The following RIF1 variants were observed in gnomAD, a reference collection of about 807,000 sequenced individuals.
RIF1 encodes the protein telomere-associated protein RIF1.
In RIF1, 45 loss-of-function variants were observed where a neutral mutation model predicts 247.1. The ratio of observed to expected loss-of-function variants is 0.18; its 90% CI spans 0.14 to 0.23. RIF1 has a LOEUF of 0.23. Ranked by LOEUF, RIF1 falls within the 10% of genes least tolerant of loss-of-function variation. RIF1 has a pLI of 1.00. For synonymous variants in RIF1, 1,087 were observed against 978.8 expected (o/e 1.11, Z -2.06); for missense variants, 2,967 against 2,862.5 (o/e 1.04, Z -0.83).
Position 151,475,029 on chromosome 2 carries a change from A to G in RIF1, c.7377A>G (p.Leu2459=). The stretch of plus-strand genomic sequence containing the variant: ...TGGCAAACTCTGTAATAAAAAATCT[A>G]CAGTCACGTTGGAGATCACCATCCC... ...SCMANSVIKN[L]QSRWRSPSHE... The change falls in exon 36 of 36, where the codon CTA becomes CTG. Residue 2459 remains leucine (L), a synonymous_variant. Transcript: ENST00000444746. 3 of 1,613,592 alleles carry G rather than the reference A, an allele frequency of 1.9e-6. No individual in the cohort carries two copies. The highest frequency in any genetic ancestry group is 1.3e-5 in the African/African-American group (1 of 75,028).
Position 151,463,215 on chromosome 2 carries a change from A to G in RIF1, c.3695A>G (p.Asn1232Ser), listed in dbSNP as rs754680779. The G allele has an allele frequency of 1.1e-5, 18 of 1,614,032 alleles. No homozygotes were observed. Among genetic ancestry groups the G allele is most frequent in the Admixed American group, 3.3e-5 (2 of 59,994 alleles). Residue 1232 changes from asparagine to serine, a missense_variant, in exon 30 of 36, where the codon AAT becomes AGT. Asn to Ser is a conservative substitution (Grantham distance 46). Transcript: ENST00000444746. ...TTGGAGAAGTTTGATGGTTCAGAAA[A>G]TAGACCTTTTAGTCCATCCCCCTTG... ...ITLEKFDGSE[N>S]RPFSPSPLNN...
intron 7 of RIF1, 149 bp from the exon 8 acceptor site, chr2:151,422,801 C>T: frequency 3.9e-6 from 2 of 508,016 alleles, no homozygotes; most frequent in Non-Finnish European, 6.9e-6. Flanking sequence ...ACAGGCTTGA[C>T]CCACCGCACC....
chr2:151,510,779 A>T (rs548714740), downstream of RIF1, among the ~76,000 whole-genome samples: 1 of 152,332 alleles, frequency 6.6e-6, no homozygotes, highest in African/African-American at 2.4e-5. Flanking sequence ...TCAGGCATCC[A>T]CTAGAGGTCT....
chr2:151,534,375 A>T, the RIF1 span: 1 of 1,490,866 alleles, frequency 6.7e-7, no homozygotes, highest in East Asian at 2.3e-5. Flanking sequence ...GCTACACAAA[A>T]ATGTCTCAAG....
chr2:151,503,580 A>G (rs985143398), intron 12 of RIF1: 22 of 559,872 alleles, frequency 3.9e-5, no homozygotes, highest in Non-Finnish European at 5.6e-5. Context: ...CAGGGGGGAA[A>G]ATTCCATGAA....
At chr2:151,523,877 G>C in the RIF1 span, among the ~76,000 whole-genome samples, 2 of 152,040 alleles carry the variant, frequency 1.3e-5, no homozygotes, top group Non-Finnish European at 2.9e-5. Context: ...GTTAATATAT[G>C]TATGTTTAAT....
In RIF1 at chr2:151,464,056, G is replaced by A. The variant is rs142724873; in HGVS notation, c.4536G>A (p.Lys1512=). 3,655 of 1,612,944 alleles carry A rather than the reference G, an allele frequency of 2.3e-3. 5 individuals are homozygous for A. The highest frequency in any genetic ancestry group is 6.5e-3 in the Middle Eastern group (39 of 6,044). The change falls in exon 30 of 36, where the codon AAG becomes AAA. Residue 1512 remains lysine, a synonymous_variant. Coordinates refer to ENST00000444746, the MANE Select transcript of RIF1 (RefSeq NM_018151.5). ...AAAAGGCAGACCCTGAGAACATTAA[G>A]TCTGAGGGGGATGGTACCCAGGACA... ...NKKKADPENI[K]SEGDGTQDIV...
chr2:151,433,012 A>G (rs367721391), intron 9 of RIF1, 65 bp from the exon 10 acceptor site: 44 of 1,223,560 alleles, frequency 3.6e-5, no homozygotes, highest in African/African-American at 2.9e-4. Context: ...ACTGTTGCAT[A>G]GCTAGTGTTA....
At position 151,437,274 on chromosome 2, in the gene RIF1, C is replaced by T. The variant is rs141812448; in HGVS notation, c.1406C>T (p.Ser469Phe). Residue 469 changes from serine to phenylalanine, a missense_variant, in exon 13 of 36, where the codon TCC becomes TTC. Ser to Phe is a radical substitution (Grantham distance 155). Coordinates refer to ENST00000444746, the MANE Select transcript of RIF1 (RefSeq NM_018151.5). Reference sequence around the variant, plus strand: ...GAACATCCGTTAATCAGCAGCCCTTCCTTTTTTTCCAAACATGCAAATACA... The same window carrying T: ...GAACATCCGTTAATCAGCAGCCCTTTCTTTTTTTCCAAACATGCAAATACA... ...PLEHPLISSP[S>F]FFSKHANTLI... 2 of 1,613,780 alleles carry T rather than the reference C, an allele frequency of 1.2e-6. No homozygotes were observed. The highest frequency in any genetic ancestry group is 2.7e-5 in the African/African-American group (2 of 74,908).
rs988674620 is a variant in RIF1 at position 151,437,392 on chromosome 2, A to T, written c.1483+41A>T. ...TTATTATTTGCTCAAATGTGTGTTT[A>T]AAAAGAAGAAAAAATAGGCCAGTCA... On this transcript the variant is annotated intron_variant, in intron 13 of 35. Coordinates refer to ENST00000444746, the MANE Select transcript of RIF1 (RefSeq NM_018151.5). 3 of 1,488,336 alleles carry T rather than the reference A, an allele frequency of 2.0e-6. No homozygotes were observed. In the African/African-American group the frequency reaches 4.2e-5, roughly 21 times the overall value. The allele number at this position is 1,488,336 out of a possible 1,614,324, so 92.2% of individuals were successfully genotyped here.
intron 34 of RIF1, among the ~76,000 whole-genome samples, chr2:151,470,184 A>G (rs761533912): frequency 2.0e-5 from 3 of 149,740 alleles, no homozygotes; most frequent in African/African-American, 2.4e-5. Flanking sequence ...GATGCCTACC[A>G]CATTTGTGAC....
Position 151,440,116 on chromosome 2 carries a change from T to C in RIF1, c.1636T>C (p.Ser546Pro). The C allele has an allele frequency of 1.9e-6, 3 of 1,553,158 alleles. No individual in the cohort carries two copies. Among genetic ancestry groups the C allele is most frequent in the Non-Finnish European group, 2.6e-6 (3 of 1,133,912 alleles). ...AGTAAAGTCTGAAGTATTTCCTGTA[T>C]CAAAAACGCTGGTAAGTATAATACC... ...SIVKSEVFPV[S>P]KTLVLMEITI... The change falls in exon 15 of 36, where the codon TCA (serine) becomes CCA (proline). Residue 546 changes from serine (S) to proline (P), a missense_variant. This residue lies in a region of RIF1 where 369 missense variants were observed against 322.0 expected (regional missense o/e 1.15). Coordinates refer to ENST00000444746, the MANE Select transcript of RIF1 (RefSeq NM_018151.5).
At chr2:151,415,129 T>C (rs919081774) in intron 4 of RIF1, among the ~76,000 whole-genome samples, 45 of 150,184 alleles carry the variant, frequency 3.0e-4, no homozygotes, top group African/African-American at 1.0e-3. Flanking sequence ...GGGTGGATCA[T>C]GAGGTCAGGA....
At chr2:151,499,188 GAC>G (rs2062568145) in intron 10 of RIF1, 2 of 565,874 alleles carry the variant, frequency 3.5e-6, no homozygotes, top group Non-Finnish European at 6.0e-6. Flanking sequence ...TTGGGAAAAA[GAC>G]AGGTCAAATT....
Position 151,464,122 on chromosome 2 carries a change from A to G in RIF1, c.4602A>G (p.Thr1534=). The G allele has an allele frequency of 6.2e-7, 1 of 1,612,018 alleles. No homozygotes were observed. Among genetic ancestry groups the G allele is most frequent in the Non-Finnish European group, 8.5e-7 (1 of 1,179,532 alleles). ...KSSEKLVRGR[T]RYQTRRASQG... is the part of the protein sequence containing the mutation. ...CTGAGAAACTAGTCAGAGGCCGAAC[A>G]CGGTATCAAACTAGAAGAGCATCTC... Residue 1534 remains threonine, a synonymous_variant, in exon 30 of 36, where the codon ACA becomes ACG. Transcript: ENST00000444746.
intron 33 of RIF1, 103 bp from the exon 34 acceptor site, chr2:151,469,608 G>A: frequency 1.1e-6 from 1 of 894,942 alleles, no homozygotes; most frequent in Non-Finnish European, 1.6e-6. Flanking sequence ...GCTAACCTCA[G>A]TTATGATTGA....
rs1244282170 is a variant in RIF1 at position 151,489,900 on chromosome 2, A to G, written c.*416-5329A>G. On this transcript the variant is annotated intron_variant and NMD_transcript_variant, in intron 9 of 13. Coordinates refer to the RIF1 transcript ENST00000454583. ...TGGTTAAAAAAAACCGTAATACCTA[A>G]TACTTATAATCATGTTTGCACATAT... is the stretch of plus-strand genomic sequence containing the variant. 9 of 1,213,128 alleles carry G rather than the reference A, an allele frequency of 7.4e-6. No homozygotes were observed. In the East Asian group the frequency reaches 2.1e-4, roughly 28 times the overall value. The allele number at this position is 1,213,128 out of a possible 1,614,324, so 75.1% of individuals were successfully genotyped here.
intron 20 of RIF1, among the ~76,000 whole-genome samples, chr2:151,450,592 T>G (rs991884798): frequency 8.6e-5 from 13 of 151,966 alleles, no homozygotes; most frequent in Admixed American, 7.9e-4. Context: ...CAATAATTCT[T>G]TCTTTTTTTT....
chr2:151,480,164 A>G lies in RIF1; in HGVS notation c.*5093A>G, dbSNP rs980147706. 3.3e-5 allele frequency: 5 copies of G among 152,334 alleles called. No homozygotes were observed. Among genetic ancestry groups the G allele is most frequent in the South Asian group, 2.1e-4 (1 of 4,832 alleles). 9.4% of individuals were successfully genotyped at this position (152,334 alleles called of 1,614,324 possible). A position where few individuals can be genotyped will look rare whatever the true frequency, so the allele number is the denominator to read the frequency against. On this transcript the variant is annotated 3_prime_UTR_variant, in exon 36 of 36. Transcript: ENST00000444746. ...GGTAAGCTGTAAATACCGTTGGAATAAAAGATAACCGTTCATCTTACCTAA... is the reference window on the plus strand; with the variant it reads ...GGTAAGCTGTAAATACCGTTGGAATGAAAGATAACCGTTCATCTTACCTAA...
Sources: gnomAD v4.1 joint callset for allele counts (sites outside exome capture counted in the v4.1 genomes callset) on GRCh38, gnomAD v4.1.1 for gene constraint, gnomAD v4.1.1 regional missense constraint, MANE v1.5 for transcripts, NCBI Gene and HGNC (gene_info 2026-07-23, HGNC 2026-07-21) for gene names.